The following MACROH2A2 variants were observed in gnomAD, a reference collection of about 807,000 sequenced individuals.
The protein encoded by MACROH2A2 is macroH2A.2 histone, also known as core histone macro-H2A.2.
Under a neutral mutation model 37.6 loss-of-function variants are expected in MACROH2A2, and 6 were observed. The ratio of observed to expected loss-of-function variants is 0.16; its 90% CI spans 0.09 to 0.32. MACROH2A2 has a LOEUF of 0.32. MACROH2A2 is among the 10% of genes least tolerant of loss of function. MACROH2A2 has a pLI of 1.00. For synonymous variants in MACROH2A2, 192 were observed against 202.7 expected (o/e 0.95, Z 0.45); for missense variants, 290 against 485.9 (o/e 0.60, Z 3.79).
chr10:70,079,653 C>T (rs2072164069), intron 2 of MACROH2A2, among the ~76,000 whole-genome samples: 1 of 146,988 alleles, frequency 6.8e-6, no homozygotes, highest in Non-Finnish European at 1.5e-5. Flanking sequence ...CAAGGCATCA[C>T]TCTGGCTTTA....
At chr10:70,070,477 T>C (rs538046364) in intron 1 of MACROH2A2, among the ~76,000 whole-genome samples, 33 of 152,292 alleles carry the variant, frequency 2.2e-4, no homozygotes, top group South Asian at 4.1e-4. Flanking sequence ...TTTATCTTCA[T>C]GAGTGTTGAG....
At chr10:70,108,107 C>G (rs2072348528) in intron 7 of MACROH2A2, among the ~76,000 whole-genome samples, 1 of 152,130 alleles carries the variant, frequency 6.6e-6, no homozygotes, top group Admixed American at 6.6e-5. Flanking sequence ...ACTCGAGAGG[C>G]TGAGGCACTA....
intron 2 of MACROH2A2, among the ~76,000 whole-genome samples, chr10:70,079,000 G>A (rs774954894): frequency 6.6e-6 from 1 of 152,148 alleles, no homozygotes; most frequent in Non-Finnish European, 1.5e-5. Context: ...ATCAGGTCTT[G>A]AAGATACAGC....
chr10:70,079,568 CACA>C, intron 2 of MACROH2A2, among the ~76,000 whole-genome samples: 1 of 129,640 alleles, frequency 7.7e-6, no homozygotes, highest in East Asian at 3.9e-4. Context: ...CGCGCGCGCA[CACA>C]CACACACACA....
At chr10:70,071,227 G>A (rs2072108708) in intron 1 of MACROH2A2, among the ~76,000 whole-genome samples, 2 of 152,150 alleles carry the variant, frequency 1.3e-5, no homozygotes, top group Admixed American at 6.5e-5. Flanking sequence ...TCCACCCTGT[G>A]ATGGGCTTTT....
intron 5 of MACROH2A2, among the ~76,000 whole-genome samples, chr10:70,094,247 A>G (rs1293742043): frequency 6.6e-6 from 1 of 152,224 alleles, no homozygotes; most frequent in Non-Finnish European, 1.5e-5. Context: ...AAGAAAGAAA[A>G]TAGAAATATA....
intron 8 of MACROH2A2, among the ~76,000 whole-genome samples, chr10:70,111,163 G>C (rs1003050000): frequency 3.3e-5 from 5 of 152,120 alleles, no homozygotes; most frequent in Non-Finnish European, 7.3e-5. Context: ...CAGCTGCTTG[G>C]GATGCTGAGG....
At chr10:70,097,824 T>G (rs530614535) in intron 6 of MACROH2A2, among the ~76,000 whole-genome samples, 1 of 152,288 alleles carries the variant, frequency 6.6e-6, no homozygotes, top group African/African-American at 2.4e-5. Context: ...AAACATTTGT[T>G]TAAGCCAGGC....
At chr10:70,089,490 C>A (rs1274958451) in intron 2 of MACROH2A2, among the ~76,000 whole-genome samples, 2 of 152,122 alleles carry the variant, frequency 1.3e-5, no homozygotes, top group African/African-American at 4.8e-5. Flanking sequence ...ATGGACACTT[C>A]CCAGAAGGAC....
At chr10:70,064,548 G>A (rs1182819369) in intron 1 of MACROH2A2, among the ~76,000 whole-genome samples, 1 of 152,006 alleles carries the variant, frequency 6.6e-6, no homozygotes, top group Non-Finnish European at 1.5e-5. Flanking sequence ...AACTTGAATT[G>A]TGTCTCCCAG....
At chr10:70,088,902 G>A (rs918651854) in intron 2 of MACROH2A2, among the ~76,000 whole-genome samples, 19 of 152,154 alleles carry the variant, frequency 1.2e-4, no homozygotes, top group African/African-American at 4.3e-4. Context: ...TCAGGAGTTC[G>A]AGTCCAGCCT....
At chr10:70,063,005 C>CTAAA (rs149712201) in intron 1 of MACROH2A2, among the ~76,000 whole-genome samples, 6 of 151,820 alleles carry the variant, frequency 4.0e-5, no homozygotes, top group African/African-American at 7.3e-5. Flanking sequence ...TTAACAAAAA[C>CTAAA]TAAATAAATA....
At chr10:70,069,015 T>C (rs924439008) in intron 1 of MACROH2A2, among the ~76,000 whole-genome samples, 2 of 152,254 alleles carry the variant, frequency 1.3e-5, no homozygotes, top group South Asian at 4.1e-4. Flanking sequence ...TACCAACTTC[T>C]AGAGACAGTA....
intron 1 of MACROH2A2, among the ~76,000 whole-genome samples, chr10:70,071,984 T>C (rs1050955488): frequency 6.6e-6 from 1 of 152,160 alleles, no homozygotes; most frequent in African/African-American, 2.4e-5. Flanking sequence ...GAGAATATTT[T>C]CCTTAATAAT....
Position 70,075,526 on chromosome 10 carries a change from C to G in MACROH2A2, c.-59-74C>G. ...GGCAGTCAGAGGTGTCACAGTGGTGCCCAAGGGCCATGCCACTGTGCCCAA... is the reference window on the plus strand; with the variant it reads ...GGCAGTCAGAGGTGTCACAGTGGTGGCCAAGGGCCATGCCACTGTGCCCAA... On this transcript the variant is annotated intron_variant, in intron 1 of 8. Coordinates refer to ENST00000373255, the MANE Select transcript of MACROH2A2 (RefSeq NM_018649.3). This position sits in a 1 kb window ranked among gnomAD's most constrained non-coding sequence, Gnocchi z 5.0. The G allele has an allele frequency of 4.8e-6, 4 of 830,290 alleles. No homozygotes were observed. Among genetic ancestry groups the G allele is most frequent in the Non-Finnish European group, 7.8e-6 (4 of 510,232 alleles). 51.4% of individuals were successfully genotyped at this position (830,290 alleles called of 1,614,324 possible).
chr10:70,094,160 C>CA (rs10716004), intron 5 of MACROH2A2, among the ~76,000 whole-genome samples: 31 of 148,874 alleles, frequency 2.1e-4, no homozygotes, highest in African/African-American at 3.9e-4. Context: ...CTACATCTGC[C>CA]AAAAAAAAAA....
At chr10:70,111,408 G>C (rs897318585) in intron 8 of MACROH2A2, 110 bp from the exon 9 acceptor site, 17 of 942,876 alleles carry the variant, frequency 1.8e-5, no homozygotes, top group Non-Finnish European at 2.4e-5. Flanking sequence ...ATCATGCATG[G>C]ACTAGCCCTG....
At chr10:70,095,887 T>TG (rs1339373700) in intron 6 of MACROH2A2, 134 bp downstream of exon 6, 13 of 559,218 alleles carry the variant, frequency 2.3e-5, no homozygotes, top group African/African-American at 3.8e-5. Flanking sequence ...TATGTGTAGT[T>TG]GAACAGTTTC....
chr10:70,059,239 G>C (rs1212276817), intron 1 of MACROH2A2, among the ~76,000 whole-genome samples: 1 of 152,136 alleles, frequency 6.6e-6, no homozygotes, highest in Non-Finnish European at 1.5e-5. Flanking sequence ...TCTCAGGTGG[G>C]GCTCCACAGA....
Sources: allele counts gnomAD v4.1 joint callset (sites outside exome capture counted in the v4.1 genomes callset), GRCh38; gene constraint gnomAD v4.1.1; non-coding constraint Gnocchi (gnomAD v3.1); transcripts MANE v1.5; gene names NCBI Gene and HGNC (gene_info 2026-07-23, HGNC 2026-07-21).